Variants in PCDH18 observed in about 807,000 individuals in gnomAD.
PCDH18 encodes the protein protocadherin-18.
In PCDH18, 38 loss-of-function variants were observed where a neutral mutation model predicts 71.5. The observed-to-expected ratio is 0.53, with a 90% CI of 0.41 to 0.70. PCDH18 has a LOEUF of 0.70. PCDH18 is among the 30% of genes least tolerant of loss of function. PCDH18 has a pLI of 0.00. For missense variants in PCDH18, 1,334 were observed against 1,384.6 expected, an observed-to-expected ratio of 0.96 and a Z score of 0.58; for synonymous variants, 565 against 505.4, an observed-to-expected ratio of 1.12 and a Z score of -1.58.
At position 137,530,819 on chromosome 4, in the gene PCDH18, C is replaced by T. The variant is rs141046141; in HGVS notation, c.1270G>A (p.Asp424Asn). 1 of 1,611,466 alleles carries T rather than the reference C, an allele frequency of 6.2e-7. No individual in the cohort carries two copies. Among genetic ancestry groups the T allele is most frequent in the South Asian group, 1.1e-5 (1 of 90,986 alleles). ...CTATACTCAGATCTCTTTTCTCTAT[C>T]CAGTGTGGCATTAGTTAAGATTAAA... ...NYLILTNATL[D>N]REKRSEYSLT... Residue 424 changes from aspartate to asparagine, a missense_variant, in exon 1 of 4, where the codon GAT becomes AAT. Asp to Asn is a conservative substitution (Grantham distance 23). This residue lies in a region of PCDH18 where 1,011 missense variants were observed against 1,048.0 expected (regional missense o/e 0.96). Coordinates refer to ENST00000344876, the MANE Select transcript of PCDH18 (RefSeq NM_019035.5).
In PCDH18 at chr4:137,529,791, A is replaced by G. The variant is rs759611355; in HGVS notation, c.2298T>C (p.Asn766=). ...GATGAGATCTGATGGGCAGAGTGCC[A>G]TTTATGGTAGGCACCAATGTGATGT... ...KGDITLVPTI[N]GTLPIRSHHR... is the part of the protein sequence containing the mutation. Residue 766 remains asparagine, a synonymous_variant, in exon 1 of 4, where the codon AAT becomes AAC. Transcript: ENST00000344876. 9.3e-6 allele frequency: 15 copies of G among 1,613,220 alleles called. No homozygotes were observed. In the African/African-American group the frequency reaches 1.6e-4, roughly 17 times the overall value.
intron 1 of PCDH18, 75 bp downstream of exon 1, chr4:137,529,527 T>A (rs1578747119): frequency 9.9e-7 from 1 of 1,013,012 alleles, no homozygotes; most frequent in Non-Finnish European, 1.5e-6. Context: ...ATGAAAACAT[T>A]TAAGAACTAG....
At position 137,528,758 on chromosome 4, in the gene PCDH18, T is replaced by A; in HGVS notation, c.2550A>T (p.Arg850=). 1.2e-6 allele frequency: 2 copies of A among 1,613,690 alleles called. No homozygotes were observed. Among genetic ancestry groups the A allele is most frequent in the Non-Finnish European group, 1.7e-6 (2 of 1,179,718 alleles). The part of the protein sequence containing the change: ...QGQYQPRPSF[R]GNKYSRSYRY... The stretch of plus-strand genomic sequence containing the variant: ...TGTAGCTCCTGGAATATTTGTTTCC[T>A]CGAAAACTTGGTCTTGGCTGATATT... The change falls in exon 2 of 4, where the codon CGA becomes CGT. Residue 850 remains arginine (R), a synonymous_variant. Coordinates refer to ENST00000344876, the MANE Select transcript of PCDH18 (RefSeq NM_019035.5).
At chr4:137,526,582 T>TA (rs1448980958) in intron 3 of PCDH18, among the ~76,000 whole-genome samples, 2 of 151,968 alleles carry the variant, frequency 1.3e-5, no homozygotes, top group Non-Finnish European at 2.9e-5. Context: ...GTCTATGCAT[T>TA]AAAAACAAAA....
At position 137,530,593 on chromosome 4, in the gene PCDH18, T is replaced by G. The variant is rs1388128764; in HGVS notation, c.1496A>C (p.Gln499Pro). The G allele has an allele frequency of 6.2e-7, 1 of 1,614,044 alleles. No individual in the cohort carries two copies. The highest frequency in any genetic ancestry group is 1.7e-5 in the Admixed American group (1 of 60,006). Residue 499 changes from glutamine to proline, a missense_variant, in exon 1 of 4, where the codon CAA becomes CCA. By Grantham distance (76) the Gln-to-Pro change is moderately conservative (BLOSUM62 -1). Around this residue, in one of 3 missense-constraint regions of PCDH18, gnomAD observed 1,011 missense variants for 1,048.0 expected, o/e 0.96. Coordinates refer to ENST00000344876, the MANE Select transcript of PCDH18 (RefSeq NM_019035.5). ...ACTCTCCAAGATGGTGTATGTCACT[T>G]GCCCATTTTCTCCAAGATCAGGATC... ...ATDPDLGENG[Q>P]VTYTILESFI... is the part of the protein sequence containing the mutation.
intron 3 of PCDH18, among the ~76,000 whole-genome samples, chr4:137,526,448 AG>A (rs748656823): frequency 1.2e-4 from 18 of 152,172 alleles, no homozygotes; most frequent in Non-Finnish European, 1.3e-4. Context: ...ACAGAATTGT[AG>A]TTTAGCCAAC....
intron 3 of PCDH18, among the ~76,000 whole-genome samples, chr4:137,523,536 GGAA>G (rs761787364): frequency 4.6e-5 from 7 of 151,882 alleles, no homozygotes; most frequent in Non-Finnish European, 8.8e-5. Context: ...CCTGTCAGAA[GGAA>G]GAAGAACAGA....
Position 137,531,375 on chromosome 4 carries a change from G to T in PCDH18, c.714C>A (p.Asp238Glu), listed in dbSNP as rs1333734272. The T allele has an allele frequency of 6.2e-7, 1 of 1,613,198 alleles. No individual in the cohort carries two copies. Among genetic ancestry groups the T allele is most frequent in the Non-Finnish European group, 8.5e-7 (1 of 1,179,734 alleles). Residue 238 changes from aspartate (D) to glutamate (E), a missense_variant, in exon 1 of 4, where the codon GAC (aspartate) becomes GAA (glutamate). Around this residue, in one of 3 missense-constraint regions of PCDH18, gnomAD observed 1,011 missense variants for 1,048.0 expected, o/e 0.96. Coordinates refer to ENST00000344876, the MANE Select transcript of PCDH18 (RefSeq NM_019035.5). ...GSSILKISIS[D>E]SNDNSPAFEQ... is the part of the protein sequence containing the mutation. ...CAAAAGCAGGGCTGTTGTCATTGGA[G>T]TCTGAAATGCTTATTTTTAGTATGG...
At chr4:137,528,170 C>T (rs752804501) in intron 3 of PCDH18, among the ~76,000 whole-genome samples, 6 of 152,178 alleles carry the variant, frequency 3.9e-5, no homozygotes, top group Non-Finnish European at 7.4e-5. Context: ...ATGGCTGTAT[C>T]GGATGAGGTG....
In PCDH18 at chr4:137,521,206, G is replaced by A; in HGVS notation, c.3231C>T (p.Ser1077=). The A allele has an allele frequency of 1.2e-6, 2 of 1,614,092 alleles. No homozygotes were observed. The highest frequency in any genetic ancestry group is 1.3e-5 in the African/African-American group (1 of 75,054). ...GCCATTTTGAAGAAGGCTGCACACT[G>A]GAGTGAGTTCCAAGTGGCGGCCCAC... The part of the protein sequence containing the change: ...TNCGPPLGTH[S]SVQPSSKWLP... The change falls in exon 4 of 4, where the codon TCC becomes TCT. Residue 1077 remains serine, a synonymous_variant. Coordinates refer to ENST00000344876, the MANE Select transcript of PCDH18 (RefSeq NM_019035.5).
At chr4:137,521,988 G>A (rs1731316265) in intron 3 of PCDH18, among the ~76,000 whole-genome samples, 1 of 152,078 alleles carries the variant, frequency 6.6e-6, no homozygotes, top group African/African-American at 2.4e-5. Context: ...GTATACGTGG[G>A]AAGAACTAGG....
In PCDH18 at chr4:137,529,178, G is replaced by T. The variant is rs1731570054; in HGVS notation, c.2488-358C>A. On this transcript the variant is annotated intron_variant, in intron 1 of 3. Coordinates refer to ENST00000344876, the MANE Select transcript of PCDH18 (RefSeq NM_019035.5). ...CTGCAATGCATGTAGTTTAAAAAAT[G>T]TCAGGAAATCTTCCAAACTTGGACA... 17 of 261,592 alleles carry T rather than the reference G, an allele frequency of 6.5e-5. No homozygotes were observed. The South Asian group carries it at 1.5e-3, about 23-fold the overall frequency. The allele number at this position is 261,592 out of a possible 1,614,324, so 16.2% of individuals were successfully genotyped here.
chr4:137,521,656 G>C lies in PCDH18; in HGVS notation c.2781C>G (p.His927Gln), dbSNP rs767390571. Reference protein sequence around the residue: ...LCTEECRVLGHSDQCWMPPLP... With the variant: ...LCTEECRVLGQSDQCWMPPLP... ...GTGGTGGCATCCAGCACTGGTCAGA[G>C]TGTCCCAGGACCCTGCACTCCTCCG... The change falls in exon 4 of 4, where the codon CAC becomes CAG. Residue 927 changes from histidine (H) to glutamine (Q), a missense_variant. Around this residue, in one of 3 missense-constraint regions of PCDH18, gnomAD observed 319 missense variants for 316.3 expected, o/e 1.01. Transcript: ENST00000344876. 6.2e-7 allele frequency: 1 copy of C among 1,611,330 alleles called. No individual in the cohort carries two copies. The highest frequency in any genetic ancestry group is 8.5e-7 in the Non-Finnish European group (1 of 1,179,932).
chr4:137,528,329 A>G (rs1334118918), intron 3 of PCDH18, 149 bp downstream of exon 3: 1 of 630,564 alleles, frequency 1.6e-6, no homozygotes, highest in Non-Finnish European at 2.8e-6. Context: ...GTTCATTACT[A>G]AACAGTGATG....
intron 3 of PCDH18, among the ~76,000 whole-genome samples, chr4:137,523,600 G>A (rs1474917640): frequency 6.6e-6 from 1 of 151,996 alleles, no homozygotes; most frequent in African/African-American, 2.4e-5. Flanking sequence ...TTTTAGGCTT[G>A]GGAAGGACTT....
Position 137,521,499 on chromosome 4 carries a change from T to G in PCDH18, c.2938A>C (p.Lys980Gln). 6.2e-7 allele frequency: 1 copy of G among 1,614,172 alleles called. No individual in the cohort carries two copies. Among genetic ancestry groups the G allele is most frequent in the Non-Finnish European group, 8.5e-7 (1 of 1,180,030 alleles). Residue 980 changes from lysine to glutamine, a missense_variant, in exon 4 of 4, where the codon AAG (lysine) becomes CAG (glutamine). Lys to Gln is a moderately conservative substitution (Grantham distance 53). Around this residue, in one of 3 missense-constraint regions of PCDH18, gnomAD observed 319 missense variants for 316.3 expected, o/e 1.01. Coordinates refer to ENST00000344876, the MANE Select transcript of PCDH18 (RefSeq NM_019035.5). Reference protein sequence around the residue: ...DAQPADSGEKKKSFSTFGKDS... With the variant: ...DAQPADSGEKQKSFSTFGKDS... ...TTTCCAAAGGTGGAAAAACTCTTCT[T>G]CTTTTCACCGGAATCTGCAGGCTGA...
intron 3 of PCDH18, among the ~76,000 whole-genome samples, chr4:137,526,958 T>TAAAAAAAAAA (rs750084137): frequency 2.3e-5 from 3 of 127,730 alleles, no homozygotes; most frequent in Non-Finnish European, 5.0e-5. Flanking sequence ...TTCCAAATCT[T>TAAAAAAAAAA]AAAAAAAAAA....
At chr4:137,525,632 A>G (rs1448146319) in intron 3 of PCDH18, among the ~76,000 whole-genome samples, 1 of 152,154 alleles carries the variant, frequency 6.6e-6, no homozygotes, top group African/African-American at 2.4e-5. Flanking sequence ...TGCAGTCTAC[A>G]GTAGCCAAAC....
rs1196815426 is a variant in PCDH18, at chr4:137,521,384, G to C, written c.3053C>G (p.Pro1018Arg). ...GCATTCAGAATAGGTGTCCAGGGAA[G>C]GCGGTAAGAGACGCTGGAACACACT... ...MSSVFQRLLP[P>R]SLDTYSECSE... Residue 1018 changes from proline to arginine, a missense_variant, in exon 4 of 4, where the codon CCT (proline) becomes CGT (arginine). Physicochemically the swap from Pro to Arg is moderately radical, Grantham distance 103 (BLOSUM62 -2). Coordinates refer to ENST00000344876, the MANE Select transcript of PCDH18 (RefSeq NM_019035.5). 6.2e-7 allele frequency: 1 copy of C among 1,614,212 alleles called. No homozygotes were observed. Among genetic ancestry groups the C allele is most frequent in the South Asian group, 1.1e-5 (1 of 91,084 alleles).
Sources: gnomAD v4.1 joint callset for allele counts (sites outside exome capture counted in the v4.1 genomes callset) on GRCh38, gnomAD v4.1.1 for gene constraint, gnomAD v4.1.1 regional missense constraint, MANE v1.5 for transcripts, NCBI Gene and HGNC (gene_info 2026-07-23, HGNC 2026-07-21) for gene names.